SETD2: variants seen among roughly 807,000 people sequenced by gnomAD.
The protein encoded by SETD2 is SET domain containing 2, histone lysine methyltransferase.
Under a neutral mutation model 242.1 loss-of-function variants are expected in SETD2, and 31 were observed. The observed-to-expected ratio is 0.13, with a 90% confidence interval of 0.10 to 0.17. The LOEUF (loss-of-function observed/expected upper bound fraction) is 0.17. Among genes scored for constraint, SETD2 ranks in the 10% least tolerant of loss-of-function variants. The pLI is 1.00. For missense variants in SETD2, 2,481 were observed against 3,046.3 expected, an observed-to-expected ratio of 0.81 and a Z score of 4.37; for synonymous variants, 1,006 against 1,066.5, an observed-to-expected ratio of 0.94 and a Z score of 1.11.
At chr3:47,126,547 T>C (rs1057274400) in intron 2 of SETD2, 101 bp downstream of exon 2, 4 of 617,854 alleles carry the variant, frequency 6.5e-6, no homozygotes, top group Non-Finnish European at 1.1e-5. Context: ...ACATTCAAAA[T>C]GATAGCTACA....
rs1024820437 is a variant in SETD2 at position 47,074,597 on chromosome 3, T to C, written c.6061-7479A>G. Among the ~76,000 whole-genome samples the C allele has an allele frequency of 3.3e-5, 5 of 152,310 alleles. No individual in the cohort carries two copies. In the East Asian group the frequency reaches 9.6e-4, roughly 29 times the overall value. ...ATTTAAACTTGGTCCCCCAACCACC[T>C]TCTTTTCTAGCCTTACCCACCCTTC... On this transcript the variant is annotated intron_variant, in intron 12 of 20. Transcript: ENST00000409792.
At chr3:47,056,012 C>CAAAAAAAA (rs1167181294) in intron 15 of SETD2, among the ~76,000 whole-genome samples, 3 of 39,556 alleles carry the variant, frequency 7.6e-5, no homozygotes, top group Admixed American at 5.2e-4. Context: ...GACTCCGTCT[C>CAAAAAAAA]AAAAAAAAAA....
intron 14 of SETD2, 108 bp from the exon 15 acceptor site, chr3:47,057,598 C>A (rs941350121): frequency 5.2e-6 from 4 of 764,754 alleles, no homozygotes; most frequent in African/African-American, 1.7e-5. Context: ...CCACATCAAA[C>A]CCTATTTGGC....
At chr3:47,151,665 T>C (rs1006968275) in intron 1 of SETD2, among the ~76,000 whole-genome samples, 3 of 151,712 alleles carry the variant, frequency 2.0e-5, no homozygotes, top group African/African-American at 7.3e-5. Flanking sequence ...CCATCTCTGC[T>C]AAAACACAAA....
chr3:47,019,775 T>G lies in SETD2; in HGVS notation c.7416A>C (p.Glu2472Asp), dbSNP rs779235044. ...TSSELAKKSK[E>D]VFRKEMSQFI... Reference sequence around the variant, plus strand: ...CAAACCTTACCTCTTTTCTGAATACTTCTTTGCTTTTCTTTGCTAGTTCAC... The same window carrying G: ...CAAACCTTACCTCTTTTCTGAATACGTCTTTGCTTTTCTTTGCTAGTTCAC... The change falls in exon 19 of 21, where the codon GAA becomes GAC. Residue 2472 changes from glutamate to aspartate, a missense_variant. Coordinates refer to ENST00000409792, the MANE Select transcript of SETD2 (RefSeq NM_014159.7). 1 of 1,613,956 alleles carries G rather than the reference T, an allele frequency of 6.2e-7. No homozygotes were observed. The highest frequency in any genetic ancestry group is 2.2e-5 in the East Asian group (1 of 44,882).
At chr3:47,038,723 G>T (rs1036023511) in intron 17 of SETD2, among the ~76,000 whole-genome samples, 1 of 152,100 alleles carries the variant, frequency 6.6e-6, no homozygotes, top group African/African-American at 2.4e-5. Flanking sequence ...AATGTTTACA[G>T]TCATTTTGAA....
intron 9 of SETD2, among the ~76,000 whole-genome samples, chr3:47,091,929 A>G (rs1019349227): frequency 4.6e-5 from 7 of 152,100 alleles, no homozygotes; most frequent in Non-Finnish European, 1.0e-4. Context: ...TGGGTGACAG[A>G]GCAAAATACT....
chr3:47,150,850 G>GT, intron 1 of SETD2, among the ~76,000 whole-genome samples: 1 of 151,434 alleles, frequency 6.6e-6, no homozygotes, highest in African/African-American at 2.4e-5. Flanking sequence ...AGCCTGGGAG[G>GT]TTGAGGCTGC....
intron 16 of SETD2, among the ~76,000 whole-genome samples, chr3:47,044,838 T>A (rs2039451058): frequency 6.6e-6 from 1 of 152,156 alleles, no homozygotes; most frequent in Non-Finnish European, 1.5e-5. Flanking sequence ...CTAGTACAGG[T>A]TAAGCAGCCC....
chr3:47,024,063 G>A (rs2038359395), intron 18 of SETD2, among the ~76,000 whole-genome samples: 1 of 152,188 alleles, frequency 6.6e-6, no homozygotes, highest in African/African-American at 2.4e-5. Flanking sequence ...ATATAGCCTG[G>A]ATGTGGTGGC....
At position 47,150,915 on chromosome 3, in the gene SETD2, A is replaced by G. The variant is rs1441655662; in HGVS notation, c.71+12939T>C. Among the ~76,000 whole-genome samples the G allele has an allele frequency of 1.6e-4, 19 of 117,104 alleles. No individual in the cohort carries two copies. The Admixed American group carries it at 1.7e-3, about 10-fold the overall frequency. The allele number at this position is 117,104 out of a possible 152,430, so 76.8% of individuals were successfully genotyped here. A position where few individuals can be genotyped will look rare whatever the true frequency, so the allele number is the denominator to read the frequency against. The stretch of plus-strand genomic sequence containing the variant: ...AGCCTGAGTGACAGAGAAAGACCCT[A>G]TCTTTAAAAAAAAAAAAAAAGAAAG... On this transcript the variant is annotated intron_variant, in intron 1 of 20. Coordinates refer to ENST00000409792, the MANE Select transcript of SETD2 (RefSeq NM_014159.7).
intron 12 of SETD2, among the ~76,000 whole-genome samples, chr3:47,081,698 G>A (rs946321307): frequency 1.7e-4 from 26 of 152,124 alleles, no homozygotes; most frequent in African/African-American, 6.0e-4. Context: ...TTTGAAAACA[G>A]AGCCATAGTA....
intron 16 of SETD2, among the ~76,000 whole-genome samples, chr3:47,045,887 T>C (rs2039503011): frequency 6.7e-6 from 1 of 148,152 alleles, no homozygotes; most frequent in Non-Finnish European, 1.5e-5. Context: ...GCCATTCTCC[T>C]GTCTCAGCCT....
chr3:47,148,757 T>C (rs545960711), intron 1 of SETD2, among the ~76,000 whole-genome samples: 3 of 152,310 alleles, frequency 2.0e-5, no homozygotes, highest in Admixed American at 6.5e-5. Flanking sequence ...TACATACAAG[T>C]TTCTTTTTTA....
intron 14 of SETD2, among the ~76,000 whole-genome samples, chr3:47,058,432 C>T (rs1200393676): frequency 2.2e-5 from 2 of 91,206 alleles, no homozygotes; most frequent in Non-Finnish European, 3.6e-5. Flanking sequence ...CAGGGCAAGA[C>T]ACCGTCTCAA....
intron 11 of SETD2, among the ~76,000 whole-genome samples, chr3:47,084,767 T>C (rs983598794): frequency 6.6e-6 from 1 of 151,814 alleles, no homozygotes; most frequent in African/African-American, 2.4e-5. Flanking sequence ...GTTTCGCTCT[T>C]GTTGCCCAGG....
In SETD2 at chr3:47,124,016, G is replaced by C. The variant is rs2106717754; in HGVS notation, c.620C>G (p.Pro207Arg). ...TGGCAAGGCCACTGGCTCTGTTACT[G>C]GTGCTGGTGATGAGAGTGTTGTGGC... Reference protein sequence around the residue: ...AQATTLSSPAPVTEPVALPHT... With the variant: ...AQATTLSSPARVTEPVALPHT... The change falls in exon 3 of 21, where the codon CCA (proline) becomes CGA (arginine). Residue 207 changes from proline (P) to arginine (R), a missense_variant. By Grantham distance (103) the Pro-to-Arg change is moderately radical. Around this residue, in one of 17 missense-constraint regions of SETD2, gnomAD observed 334 missense variants for 374.5 expected, o/e 0.89. Transcript: ENST00000409792. 1 of 1,552,258 alleles carries C rather than the reference G, an allele frequency of 6.4e-7. No homozygotes were observed.
intron 1 of SETD2, among the ~76,000 whole-genome samples, chr3:47,157,968 C>T (rs577891876): frequency 2.6e-5 from 4 of 152,098 alleles, no homozygotes; most frequent in African/African-American, 9.6e-5. Flanking sequence ...ACCATGATCC[C>T]CACTTTATAG....
Position 47,120,842 on chromosome 3 carries a change from T to C in SETD2, c.3794A>G (p.Glu1265Gly), listed in dbSNP as rs371514512. Residue 1265 changes from glutamate (E) to glycine (G), a missense_variant, in exon 3 of 21, where the codon GAA becomes GGA. Around this residue, in one of 17 missense-constraint regions of SETD2, gnomAD observed 1,300 missense variants for 1,259.2 expected, o/e 1.03. Coordinates refer to ENST00000409792, the MANE Select transcript of SETD2 (RefSeq NM_014159.7). Reference protein sequence around the residue: ...LRNLGWDFSQEKPSTTYQQPD... With the variant: ...LRNLGWDFSQGKPSTTYQQPD... ...TTGCTGATACGTGGTAGAAGGCTTT[T>C]CTTGAGAGAAGTCCCAACCTAAGTT... 1 of 1,614,244 alleles carries C rather than the reference T, an allele frequency of 6.2e-7. No homozygotes were observed. Among genetic ancestry groups the C allele is most frequent in the Non-Finnish European group, 8.5e-7 (1 of 1,180,036 alleles).
Sources: gnomAD v4.1 joint callset for allele counts (sites outside exome capture counted in the v4.1 genomes callset) on GRCh38, gnomAD v4.1.1 for gene constraint, gnomAD v4.1.1 regional missense constraint, MANE v1.5 for transcripts, NCBI Gene and HGNC (gene_info 2026-07-23, HGNC 2026-07-21) for gene names.